Variants in NAA35 observed in about 807,000 individuals in gnomAD.
NAA35 encodes the protein N-alpha-acetyltransferase 35, NatC auxiliary subunit.
Under a neutral mutation model 101.7 loss-of-function variants are expected in NAA35, and 18 were observed. The observed-to-expected ratio is 0.18, with a 90% CI of 0.12 to 0.26. The LOEUF (loss-of-function observed/expected upper bound fraction) is 0.26, where lower values mean the gene tolerates loss of function less well. NAA35 is among the 10% of genes least tolerant of loss of function. NAA35 has a pLI of 1.00. For missense variants in NAA35, 601 were observed against 886.8 expected, an observed-to-expected ratio of 0.68 and a Z score of 4.09; for synonymous variants, 267 against 273.1, an observed-to-expected ratio of 0.98 and a Z score of 0.22.
chr9:85,998,046 C>G (rs1831251026), intron 12 of NAA35, among the ~76,000 whole-genome samples: 1 of 152,146 alleles, frequency 6.6e-6, no homozygotes. Flanking sequence ...TCCCGAGTAG[C>G]TGGGACTACA....
chr9:85,962,490 CAAAAAA>C (rs781302881), intron 6 of NAA35, among the ~76,000 whole-genome samples: 1 of 85,928 alleles, frequency 1.2e-5, no homozygotes, highest in African/African-American at 4.9e-5. Flanking sequence ...GACTCTGTCT[CAAAAAA>C]AAAAAAAAAA....
intron 15 of NAA35, among the ~76,000 whole-genome samples, chr9:86,012,495 C>A (rs893830465): frequency 6.6e-6 from 1 of 152,124 alleles, no homozygotes; most frequent in African/African-American, 2.4e-5. Flanking sequence ...TAATATCTGT[C>A]ACAGTATGCA....
intron 13 of NAA35, among the ~76,000 whole-genome samples, 190 bp from the exon 14 acceptor site, chr9:86,007,168 A>G (rs1167860630): frequency 1.3e-5 from 2 of 152,190 alleles, no homozygotes; most frequent in East Asian, 1.9e-4. Flanking sequence ...TTTATCCTAC[A>G]TCAGAATTCA....
At chr9:86,000,107 G>C (rs147037739) in intron 12 of NAA35, among the ~76,000 whole-genome samples, 2 of 152,040 alleles carry the variant, frequency 1.3e-5, no homozygotes, top group Non-Finnish European at 2.9e-5. Context: ...TAACATGAAG[G>C]GATGTTAAAT....
chr9:85,995,194 G>A (rs1587633559), intron 11 of NAA35, among the ~76,000 whole-genome samples: 2 of 151,758 alleles, frequency 1.3e-5, no homozygotes, highest in Non-Finnish European at 2.9e-5. Flanking sequence ...TTAAGAGAGT[G>A]CTAGTTGAAG....
intron 15 of NAA35, 99 bp from the exon 16 acceptor site, chr9:86,012,946 AT>A (rs963257930): frequency 1.9e-5 from 13 of 700,462 alleles, no homozygotes; most frequent in South Asian, 4.8e-5. Flanking sequence ...CATACACAGC[AT>A]TTTTTTCCCT....
intron 14 of NAA35, among the ~76,000 whole-genome samples, chr9:86,009,108 C>T (rs1831781942): frequency 6.6e-6 from 1 of 152,134 alleles, no homozygotes; most frequent in African/African-American, 2.4e-5. Context: ...TACTAATGAA[C>T]ATATTTCTTC....
rs370174418 is a variant in NAA35, at chr9:86,018,427, C to CTTTA, written c.1914+33_1914+36dup. On this transcript the variant is annotated intron_variant, in intron 20 of 22. Coordinates refer to ENST00000361671, the MANE Select transcript of NAA35 (RefSeq NM_024635.4). ...CTGCTCAATGAACTTGTTATGAAAT[C>CTTTA]TTTAGTCTTAGACCTTCTTAGAGAG... The CTTTA allele has an allele frequency of 1.7e-5, 27 of 1,595,542 alleles. 1 individual carries two copies. In the African/African-American group the frequency reaches 1.9e-4, roughly 11 times the overall value.
At chr9:85,991,759 A>G (rs1183083873) in intron 11 of NAA35, among the ~76,000 whole-genome samples, 1 of 152,170 alleles carries the variant, frequency 6.6e-6, no homozygotes, top group African/African-American at 2.4e-5. Flanking sequence ...ACTTCTCAGA[A>G]CCTGTAAATA....
At chr9:85,974,667 T>A (rs1323367268) in intron 6 of NAA35, among the ~76,000 whole-genome samples, 1 of 152,224 alleles carries the variant, frequency 6.6e-6, no homozygotes, top group Admixed American at 6.5e-5. Context: ...TGAGAATTAT[T>A]ACTGTGCGAT....
intron 17 of NAA35, chr9:86,014,414 TAAGAGGATGTTTGGAA>T: frequency 1.1e-6 from 1 of 947,612 alleles, no homozygotes; most frequent in Non-Finnish European, 1.3e-6. Context: ...ATAAACCTAG[TAAGAGGATGTTTGGAA>T]AAGAGGATGT....
chr9:85,959,876 G>C lies in NAA35; in HGVS notation c.348+9G>C. ...CATGTTTTTGCTGTTTGGTAAGAATGGAAATAAGACTATTGGTTAATTTTA... is the reference window on the plus strand; with the variant it reads ...CATGTTTTTGCTGTTTGGTAAGAATCGAAATAAGACTATTGGTTAATTTTA... On this transcript the variant is annotated intron_variant, in intron 5 of 22. Transcript: ENST00000361671. 1 of 1,594,946 alleles carries C rather than the reference G, an allele frequency of 6.3e-7. No homozygotes were observed. Among genetic ancestry groups the C allele is most frequent in the Non-Finnish European group, 8.6e-7 (1 of 1,166,180 alleles).
chr9:85,972,893 C>G (rs73474789), intron 6 of NAA35, among the ~76,000 whole-genome samples: 6,753 of 152,216 alleles, frequency 0.044, 481 homozygotes, highest in African/African-American at 0.15. Flanking sequence ...TTATACCTTT[C>G]TTGGGACAGA....
At chr9:86,011,655 C>T (rs374590705) in intron 15 of NAA35, among the ~76,000 whole-genome samples, 8 of 150,884 alleles carry the variant, frequency 5.3e-5, no homozygotes, top group Admixed American at 3.3e-4. Context: ...CCACCGCACC[C>T]GGCTTCATTT....
rs142030956 is a variant in NAA35, at chr9:85,988,925, G to A, written c.878-7474G>A. Among the ~76,000 whole-genome samples the A allele has an allele frequency of 2.8e-4, 42 of 152,262 alleles. No individual in the cohort carries two copies. In the East Asian group the frequency reaches 6.8e-3, roughly 24 times the overall value. On this transcript the variant is annotated intron_variant, in intron 11 of 22. Transcript: ENST00000361671. ...AAGTCTCAGTATACATATGATTGGC[G>A]TCCCTTAAGATGTGAACAGTATAAT...
chr9:85,966,910 C>A lies in NAA35; in HGVS notation c.516+4730C>A, dbSNP rs142979657. Among the ~76,000 whole-genome samples, 1,495 of 152,298 alleles carry A rather than the reference C, an allele frequency of 9.8e-3. 22 individuals are homozygous for A. The highest frequency in any genetic ancestry group is 0.033 in the African/African-American group (1,354 of 41,564). On this transcript the variant is annotated intron_variant, in intron 6 of 22. Transcript: ENST00000361671. ...TCACCTGAGGTCAGGAGTTCGAGAC[C>A]AGCCTGGCCAACATGGCGAAACCCC...
chr9:86,016,528 T>G lies in NAA35; in HGVS notation c.1569-11T>G, dbSNP rs190342073. 4.5e-4 allele frequency: 720 copies of G among 1,607,936 alleles called. 2 individuals carry two copies. Among genetic ancestry groups the G allele is most frequent in the Middle Eastern group, 8.3e-4 (5 of 6,018 alleles). Reference sequence around the variant, plus strand: ...ACATCTACCATTAACTAACATTTTGTATCCTTTAAGGTATCTCTCTGAATT... The same window carrying G: ...ACATCTACCATTAACTAACATTTTGGATCCTTTAAGGTATCTCTCTGAATT... On this transcript the variant is annotated splice_polypyrimidine_tract_variant and intron_variant, in intron 17 of 22. Transcript: ENST00000361671.
intron 21 of NAA35, among the ~76,000 whole-genome samples, chr9:86,020,272 T>C (rs1403882513): frequency 3.3e-5 from 5 of 152,064 alleles, no homozygotes; most frequent in Non-Finnish European, 7.4e-5. Context: ...GTCTAAAAAT[T>C]TGAGGAGCTA....
intron 12 of NAA35, among the ~76,000 whole-genome samples, chr9:85,997,642 C>T (rs556436792): frequency 1.4e-4 from 22 of 152,024 alleles, no homozygotes; most frequent in Non-Finnish European, 2.9e-4. Context: ...TGCACCCGGT[C>T]AATTTTTAAA....
Sources: allele counts gnomAD v4.1 joint callset (sites outside exome capture counted in the v4.1 genomes callset), GRCh38; gene constraint gnomAD v4.1.1; transcripts MANE v1.5; gene names NCBI Gene and HGNC (gene_info 2026-07-23, HGNC 2026-07-21).